VPS45: variants seen among roughly 807,000 people sequenced by gnomAD.
The protein encoded by VPS45 is vacuolar protein sorting-associated protein 45.
VPS45 carries 35 observed loss-of-function variants against 75.9 expected under a neutral mutation model. That is an observed-to-expected ratio of 0.46 (90% CI 0.35 to 0.61). The LOEUF (loss-of-function observed/expected upper bound fraction) is 0.61. VPS45 is among the 20% of genes least tolerant of loss of function. The probability of loss-of-function intolerance (pLI) is 0.00; values close to 1 mark genes in which losing one functional copy is unlikely to be tolerated. For missense variants in VPS45, 559 were observed against 685.9 expected, an observed-to-expected ratio of 0.81 and a Z score of 2.07; for synonymous variants, 220 against 238.2, an observed-to-expected ratio of 0.92 and a Z score of 0.70.
chr1:150,097,013 C>A, intron 13 of VPS45, among the ~76,000 whole-genome samples: 1 of 149,826 alleles, frequency 6.7e-6, no homozygotes, highest in Non-Finnish European at 1.5e-5. Flanking sequence ...TTTTAAATGA[C>A]ATAACTCCTC....
chr1:150,091,525 C>T (rs144652886), intron 10 of VPS45, among the ~76,000 whole-genome samples: 1 of 152,256 alleles, frequency 6.6e-6, no homozygotes, highest in East Asian at 1.9e-4. Flanking sequence ...AAAATTCTAC[C>T]AACTTGTCTC....
Position 150,092,761 on chromosome 1 carries a change from C to T in VPS45, c.1371+352C>T, listed in dbSNP as rs587612861. The stretch of plus-strand genomic sequence containing the variant: ...TCTTTGAAGGAAATTAAAGATGAAG[C>T]AAACTTTTGATCTTTTAAAAATACT... On this transcript the variant is annotated intron_variant, in intron 12 of 14. Coordinates refer to ENST00000644510, the MANE Select transcript of VPS45 (RefSeq NM_007259.5). 3.3e-5 allele frequency among the ~76,000 whole-genome samples: 5 copies of T among 149,268 alleles called. No individual in the cohort carries two copies. In the South Asian group the frequency reaches 1.1e-3, roughly 31 times the overall value.
intron 14 of VPS45, among the ~76,000 whole-genome samples, chr1:150,126,165 T>G (rs1484914511): frequency 2.0e-5 from 3 of 152,106 alleles, no homozygotes; most frequent in African/African-American, 4.8e-5. Context: ...GCATTATATA[T>G]TCTAAGGTAT....
chr1:150,124,808 C>T (rs1553810389), intron 14 of VPS45, among the ~76,000 whole-genome samples: 1 of 151,602 alleles, frequency 6.6e-6, no homozygotes, highest in East Asian at 1.9e-4. Flanking sequence ...ATCCGCCTGC[C>T]TTGTCCTCCC....
chr1:150,069,080 CACTT>C (rs1448106894), intron 2 of VPS45, among the ~76,000 whole-genome samples: 2 of 152,232 alleles, frequency 1.3e-5, no homozygotes, highest in Non-Finnish European at 2.9e-5. Context: ...ACACCATCAA[CACTT>C]AATTTTATAT....
Position 150,138,358 on chromosome 1 carries a change from G to C in VPS45, c.1626-6351G>C, listed in dbSNP as rs187432278. ...TTCCAGGAACTATACTGTCTTGGTC[G>C]TCCTACCTCACTGGCCATTCCTTCT... On this transcript the variant is annotated intron_variant, in intron 14 of 14. Transcript: ENST00000644510. Among the ~76,000 whole-genome samples the C allele has an allele frequency of 5.5e-3, 837 of 152,172 alleles. 7 individuals are homozygous for C. Among genetic ancestry groups the C allele is most frequent in the Middle Eastern group, 0.027 (8 of 294 alleles).
chr1:150,098,320 T>A (rs1553803468), intron 13 of VPS45, among the ~76,000 whole-genome samples: 1 of 152,260 alleles, frequency 6.6e-6, no homozygotes, highest in African/African-American at 2.4e-5. Flanking sequence ...TCACAATGTT[T>A]AACACAGTGA....
intron 14 of VPS45, among the ~76,000 whole-genome samples, chr1:150,137,449 G>A (rs985233459): frequency 3.3e-5 from 5 of 152,176 alleles, no homozygotes; most frequent in Non-Finnish European, 5.9e-5. Flanking sequence ...AAGAAAACCC[G>A]CTCACTGCCT....
chr1:150,135,756 A>AC (rs1370292730), intron 14 of VPS45, among the ~76,000 whole-genome samples: 4 of 150,542 alleles, frequency 2.7e-5, no homozygotes, highest in African/African-American at 7.3e-5. Context: ...ATTCTGCCTC[A>AC]CCCCCCTGGG....
At chr1:150,129,416 C>T (rs1658695008) in intron 14 of VPS45, among the ~76,000 whole-genome samples, 1 of 151,884 alleles carries the variant, frequency 6.6e-6, no homozygotes, top group Admixed American at 6.6e-5. Flanking sequence ...AATATCTTTT[C>T]ATTACAAAAT....
chr1:150,092,818 TTCTAA>T (rs1455078281), intron 12 of VPS45, among the ~76,000 whole-genome samples: 1 of 151,322 alleles, frequency 6.6e-6, no homozygotes, highest in African/African-American at 2.4e-5. Context: ...CAAAAATTAA[TTCTAA>T]TCTGCTAGCC....
At chr1:150,131,571 A>G (rs1293867619) in intron 14 of VPS45, among the ~76,000 whole-genome samples, 4 of 151,750 alleles carry the variant, frequency 2.6e-5, no homozygotes, top group African/African-American at 9.7e-5. Flanking sequence ...ACAGTGGCAC[A>G]TGCGTATAAT....
intron 13 of VPS45, among the ~76,000 whole-genome samples, chr1:150,098,341 A>C (rs58106888): frequency 1.3e-5 from 2 of 152,366 alleles, no homozygotes; most frequent in Non-Finnish European, 2.9e-5. Flanking sequence ...TTTACAAATA[A>C]TAGGTGTTCA....
chr1:150,092,476 G>A (rs1571850147), intron 12 of VPS45, 67 bp downstream of exon 12: 1 of 1,288,586 alleles, frequency 7.8e-7, no homozygotes, highest in African/African-American at 1.5e-5. Flanking sequence ...GAGAGTGAAT[G>A]AATATGATCT....
At chr1:150,077,067 C>G (rs368958969) in intron 5 of VPS45, 27 bp from the exon 6 acceptor site, 2 of 1,613,228 alleles carry the variant, frequency 1.2e-6, no homozygotes, top group African/African-American at 1.3e-5. Context: ...CAAATATTTT[C>G]TCTGAATATA....
rs2101535822 is a variant in VPS45 at position 150,081,913 on chromosome 1, T to C, written c.852T>C (p.Gly284=). 2 of 1,613,128 alleles carry C rather than the reference T, an allele frequency of 1.2e-6. No individual in the cohort carries two copies. Among genetic ancestry groups the C allele is most frequent in the Non-Finnish European group, 8.5e-7 (1 of 1,179,520 alleles). The part of the protein sequence containing the change: ...NNMYLNFAEI[G]SNIKNLMEDF... ...TGTACCTGAACTTTGCTGAGATTGG[T>C]AGCAATATAAAGAATCTCATGGAAG... The change falls in exon 9 of 15, where the codon GGT becomes GGC. Residue 284 remains glycine, a synonymous_variant. Coordinates refer to ENST00000644510, the MANE Select transcript of VPS45 (RefSeq NM_007259.5).
chr1:150,088,434 A>AATATATATATATATATATAT (rs200780573), intron 10 of VPS45, among the ~76,000 whole-genome samples: 113 of 125,476 alleles, frequency 9.0e-4, no homozygotes, highest in African/African-American at 3.4e-3. Context: ...CTGAATAATA[A>AATATATATATATATATATAT]ATATATATAT....
At chr1:150,114,659 G>A (rs1033186045) in intron 14 of VPS45, among the ~76,000 whole-genome samples, 8 of 151,876 alleles carry the variant, frequency 5.3e-5, no homozygotes, top group Admixed American at 6.6e-5. Context: ...ACTTTGGGAG[G>A]CCAAGGCAGG....
chr1:150,145,037 C>G lies in VPS45; in HGVS notation c.*241C>G, dbSNP rs1440133663. On this transcript the variant is annotated 3_prime_UTR_variant, in exon 15 of 15. Coordinates refer to ENST00000644510, the MANE Select transcript of VPS45 (RefSeq NM_007259.5). ...GTCTTTATGTATCTGTTAGCACAAT[C>G]ACTTCAGTTACTGATGAATTTTGTT... 1 of 1,024,376 alleles carries G rather than the reference C, an allele frequency of 9.8e-7. No homozygotes were observed. The highest frequency in any genetic ancestry group is 2.6e-5 in the East Asian group (1 of 38,320). 63.5% of individuals were successfully genotyped at this position (1,024,376 alleles called of 1,614,324 possible).
Sources: allele counts gnomAD v4.1 joint callset (sites outside exome capture counted in the v4.1 genomes callset), GRCh38; gene constraint gnomAD v4.1.1; transcripts MANE v1.5; gene names NCBI Gene and HGNC (gene_info 2026-07-23, HGNC 2026-07-21).